The following CNTN3 variants were observed in gnomAD, a reference collection of about 807,000 sequenced individuals.
CNTN3 encodes contactin 3.
A neutral mutation model predicts 119.1 loss-of-function variants in CNTN3; 60 were observed. The ratio of observed to expected loss-of-function variants is 0.50; its 90% CI spans 0.41 to 0.62. The LOEUF is 0.62. Among genes scored for constraint, CNTN3 ranks in the 20% least tolerant of loss-of-function variants. CNTN3 has a pLI of 0.00. For missense variants in CNTN3, 1,101 were observed against 1,242.4 expected, an observed-to-expected ratio of 0.89 and a Z score of 1.71; for synonymous variants, 450 against 438.7, an observed-to-expected ratio of 1.03 and a Z score of -0.32.
intron 12 of CNTN3, 105 bp downstream of exon 12, chr3:74,336,426 C>A: frequency 8.2e-7 from 1 of 1,216,246 alleles, no homozygotes; most frequent in Non-Finnish European, 1.2e-6. Flanking sequence ...ACAGGTTCTA[C>A]CTTCATAGTG....
chr3:74,537,527 G>A (rs1042512780), intron 1 of CNTN3, among the ~76,000 whole-genome samples: 1 of 152,120 alleles, frequency 6.6e-6, no homozygotes, highest in Admixed American at 6.6e-5. Flanking sequence ...AGTCCTAACT[G>A]TCAATAACAA....
At chr3:74,473,985 A>C (rs1702610397) in intron 4 of CNTN3, among the ~76,000 whole-genome samples, 3 of 152,178 alleles carry the variant, frequency 2.0e-5, no homozygotes, top group Admixed American at 2.0e-4. Flanking sequence ...GGAGGTATCG[A>C]TATGTTCAGC....
chr3:74,358,468 C>T (rs976237136), intron 11 of CNTN3, among the ~76,000 whole-genome samples: 17 of 151,268 alleles, frequency 1.1e-4, no homozygotes, highest in African/African-American at 4.1e-4. Flanking sequence ...CTGTATTTCC[C>T]AGTTTCTCTT....
chr3:74,504,592 G>A (rs761252518), intron 2 of CNTN3, among the ~76,000 whole-genome samples: 11 of 152,198 alleles, frequency 7.2e-5, no homozygotes, highest in East Asian at 1.9e-4. Flanking sequence ...CAAAGTATTC[G>A]ATCTTAGAAT....
At chr3:74,302,845 T>C in intron 13 of CNTN3, 38 bp from the exon 14 acceptor site, 2 of 1,342,954 alleles carry the variant, frequency 1.5e-6, no homozygotes, top group Non-Finnish European at 2.1e-6. Flanking sequence ...CTGTTATTTT[T>C]TTAAAAAACA....
At chr3:74,508,936 T>TA (rs1392910804) in intron 2 of CNTN3, among the ~76,000 whole-genome samples, 3 of 152,180 alleles carry the variant, frequency 2.0e-5, no homozygotes, top group Non-Finnish European at 4.4e-5. Flanking sequence ...ATAAGCATCT[T>TA]AAAAATTGAA....
At chr3:74,359,616 C>T (rs1316071992) in intron 11 of CNTN3, among the ~76,000 whole-genome samples, 1 of 152,060 alleles carries the variant, frequency 6.6e-6, no homozygotes, top group African/African-American at 2.4e-5. Flanking sequence ...CTGGAACTTA[C>T]ACACTTTTAC....
At chr3:74,573,771 A>G (rs1162982697) in intron 1 of CNTN3, among the ~76,000 whole-genome samples, 2 of 151,556 alleles carry the variant, frequency 1.3e-5, no homozygotes, top group African/African-American at 4.8e-5. Context: ...CCGTAATTAA[A>G]AAAAAAAAAA....
At chr3:74,264,848 A>T (rs547665838) in intron 22 of CNTN3, among the ~76,000 whole-genome samples, 119 of 152,272 alleles carry the variant, frequency 7.8e-4, no homozygotes, top group Admixed American at 2.3e-3. Flanking sequence ...CTATCCTGGA[A>T]CCACCACAAG....
intron 5 of CNTN3, among the ~76,000 whole-genome samples, chr3:74,400,591 G>A (rs6780693): frequency 0.014 from 2,140 of 152,266 alleles, 41 homozygotes; most frequent in African/African-American, 0.048. Context: ...GTTTAAGAGT[G>A]TAATTGTGAT....
intron 8 of CNTN3, 109 bp from the exon 9 acceptor site, chr3:74,365,811 G>T: frequency 8.1e-7 from 1 of 1,230,050 alleles, no homozygotes; most frequent in Non-Finnish European, 1.1e-6. Context: ...ACATGATAAT[G>T]AGTAACAGAT....
intron 11 of CNTN3, among the ~76,000 whole-genome samples, chr3:74,338,734 A>AT (rs1703460053): frequency 6.6e-6 from 1 of 152,076 alleles, no homozygotes; most frequent in African/African-American, 2.4e-5. Context: ...TATGCATATG[A>AT]TTTTTTTAAA....
At chr3:74,459,603 T>C (rs1457222177) in intron 4 of CNTN3, among the ~76,000 whole-genome samples, 1 of 152,034 alleles carries the variant, frequency 6.6e-6, no homozygotes. Flanking sequence ...CTATGCTTGC[T>C]GAGTTTCCTA....
At chr3:74,404,108 C>A (rs1018041527) in intron 5 of CNTN3, among the ~76,000 whole-genome samples, 1 of 152,022 alleles carries the variant, frequency 6.6e-6, no homozygotes, top group Non-Finnish European at 1.5e-5. Context: ...TTTGATAGCA[C>A]CCTCTCCCCC....
chr3:74,386,685 A>G (rs1218077793), intron 5 of CNTN3, among the ~76,000 whole-genome samples: 1 of 152,206 alleles, frequency 6.6e-6, no homozygotes, highest in Non-Finnish European at 1.5e-5. Context: ...TTTCCTCTCT[A>G]TTCTTCAGTT....
intron 4 of CNTN3, among the ~76,000 whole-genome samples, chr3:74,437,084 C>A (rs1455209036): frequency 1.3e-5 from 2 of 152,132 alleles, no homozygotes; most frequent in African/African-American, 4.8e-5. Flanking sequence ...CTGACTATAT[C>A]AAATAAGAAA....
intron 3 of CNTN3, among the ~76,000 whole-genome samples, chr3:74,494,324 A>G (rs1703020821): frequency 6.6e-6 from 1 of 152,142 alleles, no homozygotes; most frequent in South Asian, 2.1e-4. Context: ...AAAGGATATG[A>G]TTTATTTTGT....
intron 1 of CNTN3, among the ~76,000 whole-genome samples, chr3:74,588,757 G>C (rs1653854230): frequency 6.6e-6 from 1 of 152,086 alleles, no homozygotes; most frequent in Admixed American, 6.6e-5. Context: ...CCAAAACAGA[G>C]ATACAGATCA....
intron 13 of CNTN3, among the ~76,000 whole-genome samples, chr3:74,306,441 A>G (rs1702565258): frequency 6.6e-6 from 1 of 152,132 alleles, no homozygotes; most frequent in Non-Finnish European, 1.5e-5. Context: ...AAAATAGCTT[A>G]TCTGTTAAAT....
Sources: allele counts gnomAD v4.1 joint callset (sites outside exome capture counted in the v4.1 genomes callset), GRCh38; gene constraint gnomAD v4.1.1; transcripts MANE v1.5; gene names NCBI Gene and HGNC (gene_info 2026-07-23, HGNC 2026-07-21).